The following KIFAP3 variants were observed in gnomAD, a reference collection of about 807,000 sequenced individuals.
The protein encoded by KIFAP3 is kinesin-associated protein 3.
KIFAP3 carries 68 observed loss-of-function variants against 106.5 expected under a neutral mutation model. The ratio of observed to expected loss-of-function variants is 0.64; its 90% confidence interval spans 0.53 to 0.78. The LOEUF (loss-of-function observed/expected upper bound fraction) is 0.78. Among genes scored for constraint, KIFAP3 ranks in the 30% least tolerant of loss-of-function variants. The pLI, the probability that KIFAP3 is intolerant of heterozygous loss-of-function variation, is 0.00. For missense variants in KIFAP3, 780 were observed against 941.8 expected, an observed-to-expected ratio of 0.83 and a Z score of 2.25; for synonymous variants, 320 against 311.5, an observed-to-expected ratio of 1.03 and a Z score of -0.29.
At chr1:170,035,665 G>A (rs1669654061) in intron 5 of KIFAP3, 112 bp from the exon 6 acceptor site, 4 of 580,502 alleles carry the variant, frequency 6.9e-6, no homozygotes, top group African/African-American at 1.9e-5. Flanking sequence ...ATAGAACTGG[G>A]ACAAAAAGTA....
Position 169,992,257 on chromosome 1 carries a change from T to C in KIFAP3, c.1184-2A>G. 6 of 1,529,108 alleles carry C rather than the reference T, an allele frequency of 3.9e-6. No individual in the cohort carries two copies. Among genetic ancestry groups the C allele is most frequent in the Non-Finnish European group, 5.3e-6 (6 of 1,127,236 alleles). 94.7% of individuals were successfully genotyped at this position (1,529,108 alleles called of 1,614,324 possible). A position where few individuals can be genotyped will look rare whatever the true frequency, so the allele number is the denominator to read the frequency against. On this transcript the variant is annotated splice_acceptor_variant, in intron 10 of 19. Transcript: ENST00000361580. LOFTEE classifies it high-confidence loss of function. ...CTATTTGTTTGTAGTTGTCATTGCCTAGGAATAAAACATCATGGTGATGAT... is the reference window on the plus strand; with the variant it reads ...CTATTTGTTTGTAGTTGTCATTGCCCAGGAATAAAACATCATGGTGATGAT...
chr1:169,990,388 G>C (rs533875740), intron 11 of KIFAP3, among the ~76,000 whole-genome samples: 1 of 150,906 alleles, frequency 6.6e-6, no homozygotes, highest in South Asian at 2.1e-4. Flanking sequence ...CAATCCTTTA[G>C]AGTAGTGCAT....
chr1:169,954,258 G>C lies in KIFAP3; in HGVS notation c.2174-148C>G, dbSNP rs1422028300. ...GCTGTTCTCTCTGGGAGTATGAACAGACAACTGTATGTACCTTAAGTACTG... is the reference window on the plus strand; with the variant it reads ...GCTGTTCTCTCTGGGAGTATGAACACACAACTGTATGTACCTTAAGTACTG... On this transcript the variant is annotated intron_variant, in intron 18 of 19. Transcript: ENST00000361580. 6.6e-6 allele frequency: 4 copies of C among 603,664 alleles called. No homozygotes were observed. In the East Asian group the frequency reaches 1.1e-4, roughly 17 times the overall value. The allele number at this position is 603,664 out of a possible 1,614,324, so 37.4% of individuals were successfully genotyped here.
chr1:169,981,201 T>C (rs573663212), intron 15 of KIFAP3, among the ~76,000 whole-genome samples: 1 of 152,338 alleles, frequency 6.6e-6, no homozygotes, highest in East Asian at 1.9e-4. Flanking sequence ...TTTAGTTAAC[T>C]GCAGTCAACC....
At chr1:170,003,689 T>C (rs1000540693) in intron 10 of KIFAP3, among the ~76,000 whole-genome samples, 6 of 152,204 alleles carry the variant, frequency 3.9e-5, no homozygotes, top group African/African-American at 1.4e-4. Flanking sequence ...TCCACCCAGT[T>C]CGAGCTTGAT....
intron 5 of KIFAP3, among the ~76,000 whole-genome samples, chr1:170,037,844 A>G (rs4656203): frequency 2.1e-4 from 32 of 152,146 alleles, no homozygotes; most frequent in African/African-American, 1.9e-4. Context: ...AAAACATTCT[A>G]TCTCCTTTTC....
At chr1:170,002,114 T>A (rs1350676380) in intron 10 of KIFAP3, among the ~76,000 whole-genome samples, 1 of 152,128 alleles carries the variant, frequency 6.6e-6, no homozygotes, top group Non-Finnish European at 1.5e-5. Context: ...TCTCCAAAAA[T>A]AAGGGAAATC....
intron 19 of KIFAP3, among the ~76,000 whole-genome samples, chr1:169,952,474 G>A (rs78999134): frequency 6.6e-6 from 1 of 152,014 alleles, no homozygotes; most frequent in East Asian, 1.9e-4. Flanking sequence ...TATATGTATA[G>A]GTAGATACAT....
At chr1:169,942,956 C>A (rs201549340) in intron 19 of KIFAP3, among the ~76,000 whole-genome samples, 1 of 126,592 alleles carries the variant, frequency 7.9e-6, no homozygotes. Context: ...AAACTAATTT[C>A]TTTTGATTGA....
chr1:170,035,345 G>C (rs1278964060), intron 6 of KIFAP3, 109 bp downstream of exon 6: 1 of 602,284 alleles, frequency 1.7e-6, no homozygotes, highest in East Asian at 3.1e-5. Context: ...AGCATAGGCA[G>C]ACACACAGAA....
At chr1:169,987,589 C>G (rs1666893075) in intron 11 of KIFAP3, among the ~76,000 whole-genome samples, 2 of 152,032 alleles carry the variant, frequency 1.3e-5, no homozygotes, top group African/African-American at 4.8e-5. Context: ...TGAACTTCAG[C>G]AGATAATGGC....
chr1:170,030,521 T>C lies in KIFAP3; in HGVS notation c.841+1365A>G, dbSNP rs189810463. Reference sequence around the variant, plus strand: ...AAGCGTATGTCCATACAAAGACTTGTAGAAAAATGTTCACAGCAGCATTAA... The same window carrying C: ...AAGCGTATGTCCATACAAAGACTTGCAGAAAAATGTTCACAGCAGCATTAA... On this transcript the variant is annotated intron_variant, in intron 8 of 19. Coordinates refer to ENST00000361580, the MANE Select transcript of KIFAP3 (RefSeq NM_014970.4). Among the ~76,000 whole-genome samples the C allele has an allele frequency of 5.9e-5, 9 of 152,004 alleles. No individual in the cohort carries two copies. The East Asian group carries it at 1.5e-3, about 26-fold the overall frequency.
intron 16 of KIFAP3, among the ~76,000 whole-genome samples, chr1:169,974,865 TATAATC>T (rs1319590478): frequency 2.4e-4 from 36 of 152,150 alleles, no homozygotes; most frequent in Non-Finnish European, 4.7e-4. Context: ...AAATGTGGAT[TATAATC>T]TTCCCTCAGC....
intron 19 of KIFAP3, among the ~76,000 whole-genome samples, chr1:169,941,832 G>A (rs1334021006): frequency 6.6e-6 from 1 of 152,076 alleles, no homozygotes; most frequent in African/African-American, 2.4e-5. Flanking sequence ...GGTAATTAAT[G>A]CCTCAATTGA....
At chr1:169,993,880 C>T (rs1373058570) in intron 10 of KIFAP3, among the ~76,000 whole-genome samples, 1 of 152,222 alleles carries the variant, frequency 6.6e-6, no homozygotes, top group Non-Finnish European at 1.5e-5. Flanking sequence ...GCAAGACTGT[C>T]TCAAAAAAAA....
At chr1:170,056,737 G>C (rs1385975957) in intron 1 of KIFAP3, among the ~76,000 whole-genome samples, 2 of 151,854 alleles carry the variant, frequency 1.3e-5, no homozygotes, top group African/African-American at 4.9e-5. Context: ...GATGCATCTG[G>C]AGTGAGTATT....
chr1:170,049,607 T>G (rs1374246294), intron 2 of KIFAP3, among the ~76,000 whole-genome samples: 1 of 152,196 alleles, frequency 6.6e-6, no homozygotes, highest in Non-Finnish European at 1.5e-5. Flanking sequence ...ATCAGGCCAG[T>G]GCTCCCTCTG....
chr1:169,997,922 A>G (rs1667449340), intron 10 of KIFAP3, among the ~76,000 whole-genome samples: 1 of 150,608 alleles, frequency 6.6e-6, no homozygotes, highest in Non-Finnish European at 1.5e-5. Flanking sequence ...TCTGCTGTTC[A>G]TAAAATTTAG....
Position 169,983,080 on chromosome 1 carries a change from G to C in KIFAP3, c.1506+190C>G, listed in dbSNP as rs1383097936. 2.6e-5 allele frequency among the ~76,000 whole-genome samples: 4 copies of C among 151,856 alleles called. No individual in the cohort carries two copies. The South Asian group carries it at 6.2e-4, about 24-fold the overall frequency. On this transcript the variant is annotated intron_variant, in intron 13 of 19. Coordinates refer to ENST00000361580, the MANE Select transcript of KIFAP3 (RefSeq NM_014970.4). ...AGTGGGGTGGAGGGATTAGGGGTAA[G>C]GGTCACAAAACAAAAACAACATTGA...
Sources: allele counts gnomAD v4.1 joint callset (sites outside exome capture counted in the v4.1 genomes callset), GRCh38; gene constraint gnomAD v4.1.1; transcripts MANE v1.5; gene names NCBI Gene and HGNC (gene_info 2026-07-23, HGNC 2026-07-21).